The following ARHGAP22 variants were observed in gnomAD, a reference collection of about 807,000 sequenced individuals.
The protein encoded by ARHGAP22 is Rho GTPase activating protein 22, also known as rho GTPase-activating protein 22.
In ARHGAP22, 48 loss-of-function variants were observed where a neutral mutation model predicts 59.1. That is an observed-to-expected ratio of 0.81 (90% CI 0.64 to 1.03). ARHGAP22 has a LOEUF of 1.03. Ranked by LOEUF, ARHGAP22 falls within the 50% of genes least tolerant of loss-of-function variation. The pLI is 0.00. For missense variants in ARHGAP22, 1,015 were observed against 958.7 expected (o/e 1.06, Z -0.78); for synonymous variants, 445 against 416.4 (o/e 1.07, Z -0.84).
In ARHGAP22 at chr10:48,450,620, GC is replaced by G; in HGVS notation, c.1508del (p.Gly503AlafsTer119). The G allele has an allele frequency of 6.5e-7, 1 of 1,548,880 alleles. No individual in the cohort carries two copies. Among genetic ancestry groups the G allele is most frequent in the Non-Finnish European group, 8.7e-7 (1 of 1,146,872 alleles). On this transcript the variant is annotated frameshift_variant, in exon 9 of 10. Coordinates refer to ENST00000249601, the MANE Select transcript of ARHGAP22 (RefSeq NM_021226.4). LOFTEE classifies it high-confidence loss of function. ...ACGCCATACTGGCCACGCTGGGTATGCCGGGGACCAGGCCCGGCGCGGGCAC... is the reference window on the plus strand; with the variant it reads ...ACGCCATACTGGCCACGCTGGGTATGCGGGGACCAGGCCCGGCGCGGGCAC... ...DNVPAPGLVP[G>X]IPSVASMAWS...
At chr10:48,639,259 T>G (rs555945701) in intron 1 of ARHGAP22, among the ~76,000 whole-genome samples, 1 of 152,228 alleles carries the variant, frequency 6.6e-6, no homozygotes, top group Admixed American at 6.5e-5. Flanking sequence ...GGAGGACCAA[T>G]GCTCAATTAG....
At chr10:48,556,188 G>C (rs963183318) in intron 2 of ARHGAP22, among the ~76,000 whole-genome samples, 1 of 152,132 alleles carries the variant, frequency 6.6e-6, no homozygotes. Flanking sequence ...GGGACGGGGA[G>C]GCTGGCTTTG....
At chr10:48,536,988 TA>T (rs951516290) in intron 3 of ARHGAP22, among the ~76,000 whole-genome samples, 6 of 145,626 alleles carry the variant, frequency 4.1e-5, no homozygotes, top group Middle Eastern at 7.4e-3. Flanking sequence ...GGCCACTCAA[TA>T]AAAAAAAAAC....
At chr10:48,453,548 G>T in intron 7 of ARHGAP22, 123 bp from the exon 8 acceptor site, 1 of 1,425,036 alleles carries the variant, frequency 7.0e-7, no homozygotes, top group Non-Finnish European at 9.6e-7. Flanking sequence ...TTTGCCCACT[G>T]GGTGTAGCCT....
intron 3 of ARHGAP22, among the ~76,000 whole-genome samples, chr10:48,503,335 A>G (rs1328276482): frequency 2.0e-5 from 3 of 152,218 alleles, no homozygotes; most frequent in African/African-American, 7.2e-5. Context: ...GGCTCAACTC[A>G]TTATTCTAAG....
At chr10:48,650,168 T>TC (rs398013382) in intron 1 of ARHGAP22, among the ~76,000 whole-genome samples, 2 of 147,172 alleles carry the variant, frequency 1.4e-5, no homozygotes, top group South Asian at 2.2e-4. Context: ...TTTTTTTTTT[T>TC]CTGCAGCCTT....
intron 3 of ARHGAP22, among the ~76,000 whole-genome samples, chr10:48,539,668 C>G (rs1389460259): frequency 6.6e-6 from 1 of 152,128 alleles, no homozygotes; most frequent in African/African-American, 2.4e-5. Flanking sequence ...TTTGAAATGT[C>G]TAATATTTTA....
chr10:48,644,332 G>A (rs1201383728), intron 1 of ARHGAP22, among the ~76,000 whole-genome samples: 4 of 152,328 alleles, frequency 2.6e-5, no homozygotes, highest in African/African-American at 9.6e-5. Context: ...ATTAATTAGA[G>A]TTGGAGATTT....
At chr10:48,522,071 A>G (rs2053855771) in intron 3 of ARHGAP22, among the ~76,000 whole-genome samples, 1 of 152,262 alleles carries the variant, frequency 6.6e-6, no homozygotes, top group African/African-American at 2.4e-5. Flanking sequence ...AGCCTGCAGC[A>G]TTTAAACCCT....
chr10:48,505,321 T>G (rs559271224), intron 3 of ARHGAP22, among the ~76,000 whole-genome samples: 52 of 152,280 alleles, frequency 3.4e-4, no homozygotes, highest in African/African-American at 1.2e-3. Flanking sequence ...ACTGTACACT[T>G]TAGACTAAAT....
intron 2 of ARHGAP22, among the ~76,000 whole-genome samples, chr10:48,566,364 T>G (rs1166050984): frequency 6.6e-6 from 1 of 152,086 alleles, no homozygotes; most frequent in Non-Finnish European, 1.5e-5. Flanking sequence ...CAGAATGAAG[T>G]TCAGTGCCAA....
chr10:48,547,750 T>C (rs1409215911), intron 3 of ARHGAP22, among the ~76,000 whole-genome samples: 1 of 152,214 alleles, frequency 6.6e-6, no homozygotes, highest in Non-Finnish European at 1.5e-5. Flanking sequence ...CAAGTAGGAA[T>C]TGCTCCTGAG....
At chr10:48,583,253 G>T in intron 1 of ARHGAP22, 101 bp from the exon 2 acceptor site, 1 of 1,390,448 alleles carries the variant, frequency 7.2e-7, no homozygotes, top group Non-Finnish European at 9.8e-7. Context: ...TGAGGCATGG[G>T]AGCCCAGGCC....
intron 1 of ARHGAP22, among the ~76,000 whole-genome samples, chr10:48,646,875 G>A (rs1366716473): frequency 1.3e-5 from 2 of 152,052 alleles, no homozygotes; most frequent in Non-Finnish European, 1.5e-5. Context: ...AGAAAAGATA[G>A]AAAAACTGAA....
chr10:48,580,291 C>T (rs929540468), intron 2 of ARHGAP22, among the ~76,000 whole-genome samples: 4 of 152,084 alleles, frequency 2.6e-5, no homozygotes, highest in Non-Finnish European at 4.4e-5. Context: ...GTCTGGAAAA[C>T]GTGGCAGGGG....
At position 48,450,427 on chromosome 10, in the gene ARHGAP22, G is replaced by A. The variant is rs1193036524; in HGVS notation, c.1702C>T (p.His568Tyr). Residue 568 changes from histidine (H) to tyrosine (Y), a missense_variant, in exon 9 of 10, where the codon CAC (histidine) becomes TAC (tyrosine). Physicochemically the swap from His to Tyr is moderately conservative, Grantham distance 83. Transcript: ENST00000249601. ...SEDPKSLDLD[H>Y]SMDEAGAGAS... ...CCCGCGCCCGCCTCGTCCATGCTGT[G>A]GTCCAGGTCCAGGGACTTGGGGTCC... 6.4e-7 allele frequency: 1 copy of A among 1,564,232 alleles called. No individual in the cohort carries two copies. Among genetic ancestry groups the A allele is most frequent in the Admixed American group, 1.9e-5 (1 of 53,444 alleles).
At chr10:48,647,357 C>T (rs1397787716) in intron 1 of ARHGAP22, among the ~76,000 whole-genome samples, 2 of 152,142 alleles carry the variant, frequency 1.3e-5, no homozygotes, top group African/African-American at 4.8e-5. Context: ...CACGCCATTG[C>T]ACTCCAGTCT....
intron 3 of ARHGAP22, among the ~76,000 whole-genome samples, chr10:48,497,946 G>A (rs12763969): frequency 0.14 from 21,180 of 152,148 alleles, 2,178 homozygotes; most frequent in East Asian, 0.59. Flanking sequence ...ATATCAGGAG[G>A]GGAGGCGATA....
intron 4 of ARHGAP22, among the ~76,000 whole-genome samples, chr10:48,467,936 G>T (rs542589171): frequency 6.6e-6 from 1 of 152,302 alleles, no homozygotes; most frequent in East Asian, 1.9e-4. Context: ...TCTAGGCAGA[G>T]CCTGGCCTAG....
Sources: allele counts gnomAD v4.1 joint callset (sites outside exome capture counted in the v4.1 genomes callset), GRCh38; gene constraint gnomAD v4.1.1; transcripts MANE v1.5; gene names NCBI Gene and HGNC (gene_info 2026-07-23, HGNC 2026-07-21).